The following ZNF487 variants were observed in gnomAD, a reference collection of about 807,000 sequenced individuals.
ZNF487 encodes zinc finger protein 487, also known as KRAB domain only 1.
In ZNF487, 4 loss-of-function variants were observed where a neutral mutation model predicts 3.0. That is an observed-to-expected ratio of 1.35 (90% CI 0.66 to 3.08). ZNF487 has a LOEUF of 3.08. Ranked by LOEUF, ZNF487 falls within the 30% of genes most tolerant of loss-of-function variation. ZNF487 has a pLI of 0.01. For missense variants in ZNF487, 146 were observed against 98.7 expected, an observed-to-expected ratio of 1.48 and a Z score of -2.03; for synonymous variants, 55 against 34.6, an observed-to-expected ratio of 1.59 and a Z score of -2.06.
chr10:43,508,383 A>G, the ZNF487 span, among the ~76,000 whole-genome samples: 1 of 152,274 alleles, frequency 6.6e-6, no homozygotes, highest in South Asian at 2.1e-4. Context: ...CCAAGATACC[A>G]CATGGTCATA....
At chr10:43,496,062 A>G in the ZNF487 span, 4 of 534,274 alleles carry the variant, frequency 7.5e-6, no homozygotes, top group African/African-American at 1.9e-5. Context: ...ACCCAGGAGG[A>G]GTGGTAGCAT....
the ZNF487 span, among the ~76,000 whole-genome samples, chr10:43,502,837 C>T: frequency 6.6e-6 from 1 of 152,076 alleles, no homozygotes; most frequent in East Asian, 1.9e-4. Context: ...TCAAGACCAA[C>T]TTGGGCAACA....
At chr10:43,461,444 T>C (rs1840428889) in intron 1 of ZNF487, among the ~76,000 whole-genome samples, 1 of 152,020 alleles carries the variant, frequency 6.6e-6, no homozygotes, top group Non-Finnish European at 1.5e-5. Context: ...CTCAGCCTCC[T>C]GAGTAGCTGG....
chr10:43,444,404 A>C (rs746928664), intron 1 of ZNF487, among the ~76,000 whole-genome samples: 12 of 152,128 alleles, frequency 7.9e-5, no homozygotes, highest in Non-Finnish European at 1.0e-4. Context: ...TTTATATATA[A>C]TTTCAGGGTA....
chr10:43,449,957 G>A (rs574242735), intron 1 of ZNF487, among the ~76,000 whole-genome samples: 1 of 152,250 alleles, frequency 6.6e-6, no homozygotes, highest in South Asian at 2.1e-4. Context: ...GTGATTACAG[G>A]TGTGAGCCAC....
the ZNF487 span, among the ~76,000 whole-genome samples, chr10:43,517,782 CTG>C: frequency 5.9e-5 from 9 of 152,194 alleles, no homozygotes; most frequent in Admixed American, 2.0e-4. Flanking sequence ...CATACTCCAT[CTG>C]TGGGAGGGGT....
intron 1 of ZNF487, among the ~76,000 whole-genome samples, chr10:43,450,361 GTTT>G (rs548131225): frequency 1.4e-5 from 2 of 147,478 alleles, no homozygotes; most frequent in African/African-American, 5.0e-5. Context: ...TTTTTGCTTT[GTTT>G]TTTTTTGAGA....
At chr10:43,466,982 C>T (rs538487410) in intron 1 of ZNF487, among the ~76,000 whole-genome samples, 1 of 151,756 alleles carries the variant, frequency 6.6e-6, no homozygotes, top group African/African-American at 2.4e-5. Flanking sequence ...ATTCTCCTGC[C>T]GCAGCCTCCT....
chr10:43,436,935 G>T (rs1839404760), upstream of ZNF487: 2 of 466,760 alleles, frequency 4.3e-6, no homozygotes, highest in Non-Finnish European at 4.4e-6. Context: ...AGAAGGCTGG[G>T]GTAAGAGTCC....
the ZNF487 span, among the ~76,000 whole-genome samples, chr10:43,510,580 C>G: frequency 1.3e-5 from 2 of 152,130 alleles, no homozygotes; most frequent in African/African-American, 2.4e-5. Context: ...AGGAGTCTCA[C>G]TCTGTCGCCC....
intron 1 of ZNF487, among the ~76,000 whole-genome samples, chr10:43,468,786 G>A (rs937329117): frequency 6.0e-5 from 9 of 150,530 alleles, no homozygotes; most frequent in African/African-American, 2.0e-4. Context: ...TCAGGAGATC[G>A]AGACCATCTT....
At chr10:43,504,293 C>CTTTTTTTTTTTTTTTT in the ZNF487 span, among the ~76,000 whole-genome samples, 2 of 108,984 alleles carry the variant, frequency 1.8e-5, no homozygotes, top group Non-Finnish European at 1.7e-5. Context: ...TTCTTTCTTT[C>CTTTTTTTTTTTTTTTT]TTTTTTTTTT....
chr10:43,487,841 T>C (rs897148334), downstream of ZNF487, among the ~76,000 whole-genome samples: 62 of 150,172 alleles, frequency 4.1e-4, no homozygotes, highest in African/African-American at 9.3e-4. Flanking sequence ...TCCCAGCATT[T>C]TGGGAGGCCG....
the ZNF487 span, among the ~76,000 whole-genome samples, chr10:43,496,590 T>A: frequency 7.2e-5 from 11 of 152,336 alleles, no homozygotes; most frequent in African/African-American, 2.4e-4. Context: ...TCCATTCAGG[T>A]GTCTGCTCTT....
upstream of ZNF487, chr10:43,436,953 G>C (rs943377957): frequency 2.2e-6 from 1 of 458,420 alleles, no homozygotes; most frequent in South Asian, 1.6e-5. Flanking sequence ...TCCGGCCAGC[G>C]GACAAGAGGG....
At chr10:43,442,255 A>G (rs1032145942) in intron 1 of ZNF487, among the ~76,000 whole-genome samples, 17 of 149,678 alleles carry the variant, frequency 1.1e-4, no homozygotes, top group Non-Finnish European at 1.9e-4. Context: ...AACAACAACA[A>G]CAACAACAAC....
chr10:43,456,649 C>T (rs533376593), intron 1 of ZNF487, among the ~76,000 whole-genome samples: 11 of 152,028 alleles, frequency 7.2e-5, no homozygotes, highest in Admixed American at 3.9e-4. Flanking sequence ...GGTGGGATCT[C>T]GGCTCACTGT....
chr10:43,443,695 T>C (rs554130257), intron 1 of ZNF487, among the ~76,000 whole-genome samples: 1 of 150,242 alleles, frequency 6.7e-6, no homozygotes, highest in African/African-American at 2.4e-5. Flanking sequence ...TTTTAATCAA[T>C]TTTTTTTGTA....
At chr10:43,448,780 G>C (rs1839902345) in intron 1 of ZNF487, among the ~76,000 whole-genome samples, 1 of 151,958 alleles carries the variant, frequency 6.6e-6, no homozygotes. Flanking sequence ...TCTTGCCACT[G>C]TACTCCAGCC....
Sources: allele counts gnomAD v4.1 joint callset (sites outside exome capture counted in the v4.1 genomes callset), GRCh38; gene constraint gnomAD v4.1.1; transcripts MANE v1.5; gene names NCBI Gene and HGNC (gene_info 2026-07-23, HGNC 2026-07-21).